Variants in FHL2 observed in about 807,000 individuals in gnomAD.
The protein encoded by FHL2 is four and a half LIM domains protein 2.
Under a neutral mutation model 32.7 loss-of-function variants are expected in FHL2, and 20 were observed. The observed-to-expected ratio is 0.61, with a 90% CI of 0.43 to 0.89. The LOEUF (loss-of-function observed/expected upper bound fraction) is 0.89. Ranked by LOEUF, FHL2 falls within the 40% of genes least tolerant of loss-of-function variation. The probability of loss-of-function intolerance (pLI) is 0.00; values close to 1 mark genes in which losing one functional copy is unlikely to be tolerated. For missense variants in FHL2, 311 were observed against 358.6 expected (o/e 0.87, Z 1.07); for synonymous variants, 123 against 128.1 (o/e 0.96, Z 0.27).
chr2:105,374,032 G>A, intron 3 of FHL2: 1 of 406,788 alleles, frequency 2.5e-6, no homozygotes, highest in East Asian at 5.0e-5. Context: ...TTGCCTGCAA[G>A]AAAGAGAAAC....
At chr2:105,396,744 G>T in intron 1 of FHL2, 47 bp from the exon 2 acceptor site, 5 of 1,580,594 alleles carry the variant, frequency 3.2e-6, no homozygotes, top group Non-Finnish European at 4.3e-6. Flanking sequence ...TCTTGAGGAA[G>T]CGAACTCAGT....
intron 1 of FHL2, among the ~76,000 whole-genome samples, chr2:105,418,631 T>A (rs1489238003): frequency 6.6e-6 from 1 of 152,192 alleles, no homozygotes; most frequent in Non-Finnish European, 1.5e-5. Flanking sequence ...TAGAGTATTC[T>A]ATTTCTTCTT....
chr2:105,421,147 T>G (rs1219474068), intron 1 of FHL2, among the ~76,000 whole-genome samples: 1 of 152,194 alleles, frequency 6.6e-6, no homozygotes, highest in Non-Finnish European at 1.5e-5. Context: ...ATAAAGAAGG[T>G]AATCCAATGG....
At chr2:105,399,679 G>C, upstream of FHL2, 7 of 1,449,578 alleles carry the variant, frequency 4.8e-6, no homozygotes, top group South Asian at 9.9e-5. Flanking sequence ...AGCTGGGAGC[G>C]TGCCTCCCAC....
intron 2 of FHL2, 57 bp from the exon 3 acceptor site, chr2:105,386,597 C>G: frequency 6.7e-7 from 1 of 1,485,792 alleles, no homozygotes; most frequent in Admixed American, 1.7e-5. Context: ...AAGGGGTGCA[C>G]GCAAAGGCAT....
chr2:105,365,308 CAGCATCAG>C (rs3838573), intron 5 of FHL2, among the ~76,000 whole-genome samples: 2,430 of 152,276 alleles, frequency 0.016, 17 homozygotes, highest in Middle Eastern at 0.034. Flanking sequence ...GCATCTTGTC[CAGCATCAG>C]ATCCCCAGTG....
At chr2:105,412,750 A>G (rs1436776867) in intron 1 of FHL2, among the ~76,000 whole-genome samples, 1 of 152,196 alleles carries the variant, frequency 6.6e-6, no homozygotes, top group African/African-American at 2.4e-5. Flanking sequence ...AAAGAGCCAG[A>G]GGCGGGGGCA....
chr2:105,417,727 G>T (rs1367830773), intron 1 of FHL2, among the ~76,000 whole-genome samples: 1 of 151,522 alleles, frequency 6.6e-6, no homozygotes, highest in African/African-American at 2.4e-5. Context: ...GAAAAAAAGA[G>T]GATGTGTGTG....
intron 2 of FHL2, among the ~76,000 whole-genome samples, chr2:105,389,118 A>G (rs999643941): frequency 6.6e-6 from 1 of 152,250 alleles, no homozygotes; most frequent in African/African-American, 2.4e-5. Flanking sequence ...TTCCAAGAGC[A>G]ATAAATATGC....
rs149362116 is a variant in FHL2 at position 105,414,485 on chromosome 2, C to G, written c.-25+23914G>C. Among the ~76,000 whole-genome samples, 80 of 152,204 alleles carry G rather than the reference C, an allele frequency of 5.3e-4. 1 individual carries two copies. In the East Asian group the frequency reaches 0.014, roughly 27 times the overall value. On this transcript the variant is annotated intron_variant, in intron 1 of 5. Coordinates refer to the FHL2 transcript ENST00000393352. ...TAGCTAGGACCCGCCCCCCCTCCGCCGCCATTATCTCATTAGCATACAAAA... is the reference window on the plus strand; with the variant it reads ...TAGCTAGGACCCGCCCCCCCTCCGCGGCCATTATCTCATTAGCATACAAAA...
At chr2:105,379,972 A>G (rs1269536112) in intron 3 of FHL2, among the ~76,000 whole-genome samples, 1 of 152,030 alleles carries the variant, frequency 6.6e-6, no homozygotes, top group African/African-American at 2.4e-5. Context: ...TTTCCCTGTC[A>G]CTCTCTGAAT....
At chr2:105,378,478 T>G in intron 3 of FHL2, 1 of 269,898 alleles carries the variant, frequency 3.7e-6, no homozygotes, top group Non-Finnish European at 7.3e-6. Flanking sequence ...GCCCTTTCCC[T>G]TCAGGCTGGT....
intron 2 of FHL2, among the ~76,000 whole-genome samples, chr2:105,394,957 C>T (rs1683021408): frequency 2.0e-5 from 3 of 152,186 alleles, no homozygotes; most frequent in Admixed American, 2.0e-4. Flanking sequence ...AAAGGGAAAA[C>T]AATAAATATC....
At chr2:105,438,096 G>T (rs1292529992) in intron 1 of FHL2, among the ~76,000 whole-genome samples, 1 of 152,168 alleles carries the variant, frequency 6.6e-6, no homozygotes, top group African/African-American at 2.4e-5. Context: ...GGGGGCAGAG[G>T]TTCAATTTTA....
intron 1 of FHL2, chr2:105,438,292 G>A (rs1009224550): frequency 2.6e-5 from 23 of 899,048 alleles, no homozygotes; most frequent in Non-Finnish European, 2.9e-5. Context: ...TCCCAGGGCT[G>A]GACACTCCCT....
Position 105,398,948 on chromosome 2 carries a change from G to A in FHL2, c.-182C>T. 2 of 1,530,906 alleles carry A rather than the reference G, an allele frequency of 1.3e-6. No individual in the cohort carries two copies. Among genetic ancestry groups the A allele is most frequent in the East Asian group, 5.4e-5 (2 of 36,908 alleles). The allele number at this position is 1,530,906 out of a possible 1,614,324, so 94.8% of individuals were successfully genotyped here. A position where few individuals can be genotyped will look rare whatever the true frequency, so the allele number is the denominator to read the frequency against. On this transcript the variant is annotated 5_prime_UTR_variant, in exon 1 of 7. Coordinates refer to ENST00000530340, the MANE Select transcript of FHL2 (RefSeq NM_001318895.3). ...AAGCCCCTCGGCCTCCCTCCGGGGC[G>A]CAGGGGGTTGGAGGTACTCACGGCA... is the stretch of plus-strand genomic sequence containing the variant.
intron 3 of FHL2, 24 bp downstream of exon 3, chr2:105,386,336 AC>A: frequency 6.2e-7 from 1 of 1,609,634 alleles, no homozygotes. Context: ...AGCGCCGGGG[AC>A]CCGCAGAGGC....
At chr2:105,426,059 T>C (rs1684257555) in intron 1 of FHL2, among the ~76,000 whole-genome samples, 1 of 151,636 alleles carries the variant, frequency 6.6e-6, no homozygotes, top group Non-Finnish European at 1.5e-5. Flanking sequence ...CTCCTTCATA[T>C]ATAATATAGA....
intron 1 of FHL2, among the ~76,000 whole-genome samples, chr2:105,416,642 T>C (rs1329670538): frequency 1.3e-5 from 2 of 152,264 alleles, no homozygotes; most frequent in African/African-American, 4.8e-5. Flanking sequence ...CACATTGTTT[T>C]GTTAGATTTA....
Sources: allele counts gnomAD v4.1 joint callset (sites outside exome capture counted in the v4.1 genomes callset), GRCh38; gene constraint gnomAD v4.1.1; transcripts MANE v1.5; gene names NCBI Gene and HGNC (gene_info 2026-07-23, HGNC 2026-07-21).